TYR: variants seen among roughly 807,000 people sequenced by gnomAD.
The protein encoded by TYR is tyrosinase.
Under a neutral mutation model 51.5 loss-of-function variants are expected in TYR, and 58 were observed. The observed-to-expected ratio is 1.13, with a 90% CI of 0.91 to 1.40. TYR has a LOEUF of 1.40. Among genes scored for constraint, TYR ranks in the 40% most tolerant of loss-of-function variants. The pLI, the probability that TYR is intolerant of heterozygous loss-of-function variation, is 0.00. For missense variants in TYR, 732 were observed against 647.4 expected (o/e 1.13, Z -1.42); for synonymous variants, 263 against 235.2 (o/e 1.12, Z -1.08).
At chr11:89,204,332 T>G (rs1943641642) in intron 2 of TYR, among the ~76,000 whole-genome samples, 1 of 152,140 alleles carries the variant, frequency 6.6e-6, no homozygotes, top group African/African-American at 2.4e-5. Context: ...TATTGCTACT[T>G]AAAAGTAATA....
At chr11:89,217,132 A>T (rs1178932482) in intron 2 of TYR, among the ~76,000 whole-genome samples, 1 of 152,196 alleles carries the variant, frequency 6.6e-6, no homozygotes, top group Non-Finnish European at 1.5e-5. Context: ...TTTAAATTTC[A>T]TGTAAAACAA....
At chr11:89,205,919 T>G (rs2135264996) in intron 2 of TYR, among the ~76,000 whole-genome samples, 1 of 152,220 alleles carries the variant, frequency 6.6e-6, no homozygotes, top group African/African-American at 2.4e-5. Context: ...ACAAATAAGG[T>G]TTTACACTTA....
intron 2 of TYR, among the ~76,000 whole-genome samples, chr11:89,201,506 AAGAT>A (rs1304705058): frequency 1.3e-5 from 2 of 152,264 alleles, no homozygotes; most frequent in African/African-American, 4.8e-5. Flanking sequence ...CATGTAAAAA[AAGAT>A]AGTTTAAAAA....
chr11:89,275,033 A>G (rs1944635979), intron 3 of TYR, among the ~76,000 whole-genome samples: 1 of 151,856 alleles, frequency 6.6e-6, no homozygotes, highest in South Asian at 2.1e-4. Flanking sequence ...TGACCTACTT[A>G]GCTGTTGCCG....
chr11:89,254,705 T>A (rs1944368564), intron 3 of TYR, among the ~76,000 whole-genome samples: 1 of 151,804 alleles, frequency 6.6e-6, no homozygotes, highest in Non-Finnish European at 1.5e-5. Context: ...TTATTTGGAT[T>A]TTCTATCTTC....
intron 3 of TYR, among the ~76,000 whole-genome samples, chr11:89,252,729 C>G (rs1944345524): frequency 6.6e-6 from 1 of 151,660 alleles, no homozygotes; most frequent in Non-Finnish European, 1.5e-5. Flanking sequence ...ATTAGAATAA[C>G]TGGACCATTG....
chr11:89,187,896 T>G (rs1026481534), intron 1 of TYR, among the ~76,000 whole-genome samples: 3 of 151,886 alleles, frequency 2.0e-5, no homozygotes, highest in Middle Eastern at 3.2e-3. Flanking sequence ...AAAGATTAAA[T>G]ATATACACCA....
chr11:89,270,697 T>C (rs978094387), intron 3 of TYR, among the ~76,000 whole-genome samples: 11 of 151,956 alleles, frequency 7.2e-5, no homozygotes, highest in African/African-American at 2.7e-4. Flanking sequence ...TTAAAAAATT[T>C]AATCTTAAAT....
At chr11:89,221,575 C>T (rs971631326) in intron 2 of TYR, among the ~76,000 whole-genome samples, 1 of 152,156 alleles carries the variant, frequency 6.6e-6, no homozygotes, top group African/African-American at 2.4e-5. Context: ...CAAGCCTTTT[C>T]AAAGTATTCA....
At chr11:89,274,581 T>G (rs1444212920) in intron 3 of TYR, among the ~76,000 whole-genome samples, 1 of 151,860 alleles carries the variant, frequency 6.6e-6, no homozygotes, top group Non-Finnish European at 1.5e-5. Flanking sequence ...AAGTTTGTTA[T>G]TATCCACATT....
chr11:89,260,712 GAA>G (rs1944447277), intron 3 of TYR, among the ~76,000 whole-genome samples: 1 of 152,104 alleles, frequency 6.6e-6, no homozygotes, highest in South Asian at 2.1e-4. Context: ...CTATTTAAAA[GAA>G]AATATATAAG....
rs200854796 is a variant in TYR, at chr11:89,191,274, C to T, written c.892C>T (p.Arg298Trp). Reference protein sequence around the residue: ...LCNGTPEGPLRRNPGNHDKSR... With the variant: ...LCNGTPEGPLWRNPGNHDKSR... ...CAATGGAACGCCCGAGGGACCTTTA[C>T]GGCGTAATCCTGGAAACCATGACAA... is the stretch of plus-strand genomic sequence containing the variant. Residue 298 changes from arginine to tryptophan, a missense_variant, in exon 2 of 5, where the codon CGG becomes TGG. Coordinates refer to ENST00000263321, the MANE Select transcript of TYR (RefSeq NM_000372.5). 72 of 1,613,488 alleles carry T rather than the reference C, an allele frequency of 4.5e-5. No homozygotes were observed. Among genetic ancestry groups the T allele is most frequent in the South Asian group, 5.5e-5 (5 of 91,084 alleles).
rs34865967 is a variant in TYR, at chr11:89,189,448, C to CAA, written c.820-1745_820-1744dup. 2.1e-5 allele frequency among the ~76,000 whole-genome samples: 3 copies of CAA among 143,944 alleles called. No individual in the cohort carries two copies. The East Asian group carries it at 6.1e-4, about 29-fold the overall frequency. The allele number at this position is 143,944 out of a possible 152,430, so 94.4% of individuals were successfully genotyped here. A position where few individuals can be genotyped will look rare whatever the true frequency, so the allele number is the denominator to read the frequency against. On this transcript the variant is annotated intron_variant, in intron 1 of 4. Coordinates refer to ENST00000263321, the MANE Select transcript of TYR (RefSeq NM_000372.5). The stretch of plus-strand genomic sequence containing the variant: ...CAACCACGAGTATTGTACTGCACAT[C>CAA]AAAAAAAAAAGGGACAATAATAGGA...
At chr11:89,240,676 A>G (rs1451915025) in intron 3 of TYR, among the ~76,000 whole-genome samples, 1 of 152,142 alleles carries the variant, frequency 6.6e-6, no homozygotes, top group Non-Finnish European at 1.5e-5. Flanking sequence ...CTGTAAAAAG[A>G]GTGAATTGCT....
intron 2 of TYR, among the ~76,000 whole-genome samples, chr11:89,204,397 ATT>A (rs71472253): frequency 5.5e-5 from 8 of 145,568 alleles, no homozygotes; most frequent in Admixed American, 1.4e-4. Context: ...GAGATTATAC[ATT>A]TTTTTTTTTT....
intron 3 of TYR, among the ~76,000 whole-genome samples, chr11:89,278,892 G>GT (rs1359154164): frequency 6.6e-6 from 1 of 151,532 alleles, no homozygotes; most frequent in South Asian, 2.1e-4. Flanking sequence ...GACTTTCTTT[G>GT]TTTTTTTGAT....
intron 2 of TYR, among the ~76,000 whole-genome samples, chr11:89,199,805 G>A (rs975718986): frequency 2.6e-5 from 4 of 152,096 alleles, no homozygotes; most frequent in Non-Finnish European, 5.9e-5. Context: ...CCAAGCTAAA[G>A]AGCTTTTGTT....
chr11:89,229,559 C>CA (rs950548513), intron 3 of TYR, among the ~76,000 whole-genome samples: 67 of 128,294 alleles, frequency 5.2e-4, no homozygotes, highest in Non-Finnish European at 6.3e-4. Flanking sequence ...AGCAATTAGG[C>CA]AAAAAAAAAG....
At chr11:89,210,373 C>A (rs1262194123) in intron 2 of TYR, among the ~76,000 whole-genome samples, 2 of 83,054 alleles carry the variant, frequency 2.4e-5, no homozygotes, top group Non-Finnish European at 4.4e-5. Flanking sequence ...GATTGAAGAT[C>A]AAATTAATGA....
Sources: allele counts gnomAD v4.1 joint callset (sites outside exome capture counted in the v4.1 genomes callset), GRCh38; gene constraint gnomAD v4.1.1; transcripts MANE v1.5; gene names NCBI Gene and HGNC (gene_info 2026-07-23, HGNC 2026-07-21).